The following LRMDA variants were observed in gnomAD, a reference collection of about 807,000 sequenced individuals.
LRMDA encodes the protein leucine-rich melanocyte differentiation-associated protein.
LRMDA carries 18 observed loss-of-function variants against 29.8 expected under a neutral mutation model. The ratio of observed to expected loss-of-function variants is 0.60; its 90% CI spans 0.42 to 0.90. The LOEUF (loss-of-function observed/expected upper bound fraction) is 0.90, where lower values mean the gene tolerates loss of function less well. LRMDA is among the 40% of genes least tolerant of loss of function. The pLI is 0.00. For missense variants in LRMDA, 273 were observed against 273.9 expected (o/e 1.00, Z 0.02); for synonymous variants, 125 against 109.4 (o/e 1.14, Z -0.89).
chr10:75,791,665 G>GGGACAAGCATATTTT (rs1843567054), intron 2 of LRMDA, among the ~76,000 whole-genome samples: 1 of 152,108 alleles, frequency 6.6e-6, no homozygotes, highest in Non-Finnish European at 1.5e-5. Flanking sequence ...ACTTACAGTA[G>GGGACAAGCATATTTT]CTTATTTTCT....
chr10:75,611,322 A>T (rs1432714297), intron 2 of LRMDA, among the ~76,000 whole-genome samples: 1 of 152,170 alleles, frequency 6.6e-6, no homozygotes, highest in Non-Finnish European at 1.5e-5. Context: ...GTGGGTGTGT[A>T]GCTGCCAGTG....
chr10:76,088,727 G>A (rs562614323), intron 5 of LRMDA, among the ~76,000 whole-genome samples: 11 of 152,246 alleles, frequency 7.2e-5, no homozygotes, highest in African/African-American at 2.6e-4. Context: ...GATTCTGGAG[G>A]CAATGAATCC....
rs559992990 is a variant in LRMDA, at chr10:75,849,139, G to A, written c.132-186869G>A. ...GGCTTAGTTTTAGTTGGTGACCCTC[G>A]TCCCAGTGTCCCCATTGTCTTTCAG... On this transcript the variant is annotated intron_variant, in intron 2 of 6. Transcript: ENST00000611255. Among the ~76,000 whole-genome samples the A allele has an allele frequency of 7.2e-4, 109 of 152,250 alleles. 1 individual carries two copies. In the South Asian group the frequency reaches 0.022, roughly 31 times the overall value.
At chr10:75,440,341 G>A (rs781660329) in intron 2 of LRMDA, among the ~76,000 whole-genome samples, 1 of 151,572 alleles carries the variant, frequency 6.6e-6, no homozygotes, top group Non-Finnish European at 1.5e-5. Context: ...TGTTGAGTTT[G>A]AGTTGGTTTC....
At chr10:76,083,020 G>A (rs1849072905) in intron 5 of LRMDA, among the ~76,000 whole-genome samples, 1 of 152,166 alleles carries the variant, frequency 6.6e-6, no homozygotes, top group Admixed American at 6.5e-5. Context: ...GGATTCAGTG[G>A]ATGCATGGCA....
At chr10:75,874,139 G>T (rs1172851960) in intron 2 of LRMDA, among the ~76,000 whole-genome samples, 1 of 152,100 alleles carries the variant, frequency 6.6e-6, no homozygotes, top group African/African-American at 2.4e-5. Context: ...TCAATGAAGG[G>T]TACATATGCC....
chr10:75,749,586 G>T (rs1335599140), intron 2 of LRMDA, among the ~76,000 whole-genome samples: 1 of 148,664 alleles, frequency 6.7e-6, no homozygotes, highest in Non-Finnish European at 1.5e-5. Context: ...GAAATTATTG[G>T]TTTTTTGGTT....
At chr10:75,843,587 C>G (rs1194279773) in intron 2 of LRMDA, among the ~76,000 whole-genome samples, 1 of 152,136 alleles carries the variant, frequency 6.6e-6, no homozygotes, top group African/African-American at 2.4e-5. Context: ...CTGTGAAGAT[C>G]AGAGGAGAGG....
chr10:75,995,237 T>C (rs531790844), intron 2 of LRMDA, among the ~76,000 whole-genome samples: 2 of 152,288 alleles, frequency 1.3e-5, no homozygotes, highest in East Asian at 1.9e-4. Flanking sequence ...AGTTTATGAC[T>C]CTTTCCTGCC....
intron 2 of LRMDA, among the ~76,000 whole-genome samples, chr10:75,611,153 T>TG (rs1399003334): frequency 6.6e-6 from 1 of 152,098 alleles, no homozygotes; most frequent in African/African-American, 2.4e-5. Context: ...TGGTGTCCTT[T>TG]GGAGGCAGAA....
chr10:76,307,317 T>TGATGTCAG (rs1304820744), intron 5 of LRMDA, among the ~76,000 whole-genome samples: 8 of 152,132 alleles, frequency 5.3e-5, no homozygotes, highest in Non-Finnish European at 1.2e-4. Context: ...TTGTTGATGT[T>TGATGTCAG]GATGTCAGGA....
At chr10:75,829,434 G>A (rs1274504348) in intron 2 of LRMDA, among the ~76,000 whole-genome samples, 1 of 152,066 alleles carries the variant, frequency 6.6e-6, no homozygotes, top group Non-Finnish European at 1.5e-5. Context: ...CCCCAATTCT[G>A]AGAATGCAGT....
chr10:75,582,074 T>C (rs1436230088), intron 2 of LRMDA, among the ~76,000 whole-genome samples: 2 of 148,382 alleles, frequency 1.3e-5, no homozygotes, highest in Non-Finnish European at 3.1e-5. Context: ...CCACAGCTAC[T>C]GGGGCTGGCA....
intron 5 of LRMDA, among the ~76,000 whole-genome samples, chr10:76,207,395 G>A (rs1026762470): frequency 3.9e-5 from 6 of 152,312 alleles, no homozygotes; most frequent in African/African-American, 9.6e-5. Context: ...TCCTACGTCT[G>A]TGAAGCCCTG....
rs552774770 is a variant in LRMDA, at chr10:75,669,131, C to A, written c.131+230637C>A. Among the ~76,000 whole-genome samples the A allele has an allele frequency of 9.9e-5, 15 of 152,272 alleles. No homozygotes were observed. The South Asian group carries it at 3.1e-3, about 32-fold the overall frequency. On this transcript the variant is annotated intron_variant, in intron 2 of 6. Coordinates refer to ENST00000611255, the MANE Select transcript of LRMDA (RefSeq NM_001305581.2). ...TAGCCCCTTATGTTGTATTTGGGATCCCCACAAAGTCCCACAAAGGTATCT... is the reference window on the plus strand; with the variant it reads ...TAGCCCCTTATGTTGTATTTGGGATACCCACAAAGTCCCACAAAGGTATCT...
At chr10:75,688,275 T>A (rs1438137358) in intron 2 of LRMDA, among the ~76,000 whole-genome samples, 1 of 152,256 alleles carries the variant, frequency 6.6e-6, no homozygotes, top group Non-Finnish European at 1.5e-5. Context: ...ATAGATGCCA[T>A]GAAGAACATT....
intron 5 of LRMDA, among the ~76,000 whole-genome samples, chr10:76,097,306 C>T (rs918293586): frequency 8.5e-5 from 13 of 152,254 alleles, no homozygotes; most frequent in East Asian, 5.8e-4. Flanking sequence ...CCACCGTGCC[C>T]GGCTTCATGT....
At chr10:75,897,880 T>A (rs1319237246) in intron 2 of LRMDA, among the ~76,000 whole-genome samples, 2 of 133,036 alleles carry the variant, frequency 1.5e-5, no homozygotes, top group African/African-American at 2.8e-5. Flanking sequence ...TGTAGTGCAG[T>A]GGCACAATCT....
intron 2 of LRMDA, among the ~76,000 whole-genome samples, chr10:75,548,525 A>G (rs757529947): frequency 6.6e-6 from 1 of 152,106 alleles, no homozygotes; most frequent in African/African-American, 2.4e-5. Flanking sequence ...GACATCCCAC[A>G]GTATCTTAAA....
Sources: allele counts gnomAD v4.1 joint callset (sites outside exome capture counted in the v4.1 genomes callset), GRCh38; gene constraint gnomAD v4.1.1; transcripts MANE v1.5; gene names NCBI Gene and HGNC (gene_info 2026-07-23, HGNC 2026-07-21).